The following TECTA variants were observed in gnomAD, a reference collection of about 807,000 sequenced individuals.
The protein encoded by TECTA is alpha-tectorin.
In TECTA, 128 loss-of-function variants were observed where a neutral mutation model predicts 216.8. The ratio of observed to expected loss-of-function variants is 0.59; its 90% CI spans 0.51 to 0.68. The LOEUF is 0.68. Among genes scored for constraint, TECTA ranks in the 30% least tolerant of loss-of-function variants. The pLI, the probability that TECTA is intolerant of heterozygous loss-of-function variation, is 0.00. For synonymous variants in TECTA, 1,089 were observed against 1,117.1 expected (o/e 0.97, Z 0.50); for missense variants, 2,551 against 2,786.2 (o/e 0.92, Z 1.90).
Position 121,113,075 on chromosome 11 carries a change from A to T in TECTA, c.490A>T (p.Asn164Tyr). The stretch of plus-strand genomic sequence containing the variant: ...ACTGCGCATTCCCATCCTGTAGGTG[A>T]ACACCTTCCAGGCCGTCCTAGTGTC... ...FYGGSSTTPV[N>Y]TFQAVLVSDG... Residue 164 changes from asparagine to tyrosine, a missense_variant, in exon 5 of 24, where the codon AAC becomes TAC. Physicochemically the swap from Asn to Tyr is moderately radical, Grantham distance 143 (BLOSUM62 -2). Transcript: ENST00000392793. This position sits in a 1 kb window ranked among gnomAD's most constrained non-coding sequence, Gnocchi z 4.2. The T allele has an allele frequency of 6.2e-7, 1 of 1,614,088 alleles. No homozygotes were observed. Among genetic ancestry groups the T allele is most frequent in the Non-Finnish European group, 8.5e-7 (1 of 1,180,008 alleles).
chr11:121,158,004 C>CCGG lies in TECTA; in HGVS notation c.4478_4480dup (p.Gly1493dup), dbSNP rs1350203801. On this transcript the variant is annotated inframe_insertion, in exon 14 of 24. Coordinates refer to ENST00000392793, the MANE Select transcript of TECTA (RefSeq NM_005422.4). The stretch of plus-strand genomic sequence containing the variant: ...ACCAAGACCTCCTACTGCCTGGCGG[C>CCGG]CGGCGGCGGCGTCTTCCGCACCTTC... 8 of 1,612,754 alleles carry CCGG rather than the reference C, an allele frequency of 5.0e-6. No individual in the cohort carries two copies. In the Admixed American group the frequency reaches 1.2e-4, roughly 24 times the overall value.
At position 121,172,959 on chromosome 11, in the gene TECTA, A is replaced by T. The variant is rs533709437; in HGVS notation, c.5999+4034A>T. ...GGCCAGTGATGGTGAGCATTTTTTC[A>T]TGTGTTTTTTGGCTGCATAAATGTC... On this transcript the variant is annotated intron_variant, in intron 20 of 23. Transcript: ENST00000392793. 2.3e-4 allele frequency among the ~76,000 whole-genome samples: 34 copies of T among 149,082 alleles called. No individual in the cohort carries two copies. The East Asian group carries it at 5.9e-3, about 26-fold the overall frequency.
intron 12 of TECTA, among the ~76,000 whole-genome samples, chr11:121,148,836 C>T (rs1946864215): frequency 6.6e-6 from 1 of 152,146 alleles, no homozygotes; most frequent in Admixed American, 6.5e-5. Context: ...ATCTTGTAAC[C>T]TAAGTTGAAC....
At chr11:121,153,527 G>A (rs1364096440) in intron 13 of TECTA, among the ~76,000 whole-genome samples, 2 of 152,176 alleles carry the variant, frequency 1.3e-5, no homozygotes, top group Non-Finnish European at 2.9e-5. Context: ...AGGCTGAGTG[G>A]GGCGGACTTC....
intron 16 of TECTA, among the ~76,000 whole-genome samples, chr11:121,164,032 AT>A (rs1947027103): frequency 6.6e-6 from 1 of 152,226 alleles, no homozygotes; most frequent in Non-Finnish European, 1.5e-5. Flanking sequence ...ATGTTGAGCC[AT>A]CCATGCACTC....
chr11:121,145,444 C>T lies in TECTA; in HGVS notation c.3544-111C>T. The T allele has an allele frequency of 2.7e-6, 3 of 1,128,094 alleles. No homozygotes were observed. In the South Asian group the frequency reaches 3.8e-5, roughly 14 times the overall value. 69.9% of individuals were successfully genotyped at this position (1,128,094 alleles called of 1,614,324 possible). A position where few individuals can be genotyped will look rare whatever the true frequency, so the allele number is the denominator to read the frequency against. The stretch of plus-strand genomic sequence containing the variant: ...CAGTACATGCAAAGACTGCATTCAA[C>T]CTGCTCAAACTTCCCTCTGGGACTT... On this transcript the variant is annotated intron_variant, in intron 11 of 23. Coordinates refer to ENST00000392793, the MANE Select transcript of TECTA (RefSeq NM_005422.4).
chr11:121,176,627 T>C, intron 20 of TECTA, among the ~76,000 whole-genome samples: 2 of 145,946 alleles, frequency 1.4e-5, no homozygotes, highest in African/African-American at 5.3e-5. Context: ...TCATTTCAAC[T>C]TTGGTGAATC....
rs755607789 is a variant in TECTA, at chr11:121,190,783, T to C, written c.6445T>C (p.Tyr2149His). 2 of 1,613,372 alleles carry C rather than the reference T, an allele frequency of 1.2e-6. No individual in the cohort carries two copies. Among genetic ancestry groups the C allele is most frequent in the Non-Finnish European group, 1.7e-6 (2 of 1,179,676 alleles). Residue 2149 changes from tyrosine to histidine, a missense_variant, in exon 24 of 24, where the codon TAT (tyrosine) becomes CAT (histidine). This residue lies in a region of TECTA where 118 missense variants were observed against 116.4 expected (regional missense o/e 1.01). Transcript: ENST00000392793. ...CCAGATTTCATTATGGCATTTTGTCTATAAATCAGGCACGACCTCATAATT... is the reference window on the plus strand; with the variant it reads ...CCAGATTTCATTATGGCATTTTGTCCATAAATCAGGCACGACCTCATAATT... ...MIQISLWHFV[Y>H]KSGTTS is the part of the protein sequence containing the mutation.
At chr11:121,189,297 T>A (rs1947317987) in intron 22 of TECTA, 130 bp downstream of exon 22, 7 of 823,006 alleles carry the variant, frequency 8.5e-6, no homozygotes, top group African/African-American at 1.7e-5. Flanking sequence ...TTTGAGAACA[T>A]CACCTGCTTC....
chr11:121,148,377 T>C (rs1419789709), intron 12 of TECTA, among the ~76,000 whole-genome samples: 1 of 151,616 alleles, frequency 6.6e-6, no homozygotes, highest in East Asian at 1.9e-4. Flanking sequence ...TGGTAATGAA[T>C]GGCAAAAAGG....
At chr11:121,188,096 C>A in intron 21 of TECTA, 102 bp downstream of exon 21, 2 of 1,289,500 alleles carry the variant, frequency 1.6e-6, no homozygotes, top group Non-Finnish European at 2.2e-6. Context: ...TGGAATCATC[C>A]ATAGATGCTT....
chr11:121,175,094 T>A (rs1362606956), intron 20 of TECTA, among the ~76,000 whole-genome samples: 1 of 152,184 alleles, frequency 6.6e-6, no homozygotes. Flanking sequence ...TCTTCTTTAT[T>A]AATCTTGCTA....
Position 121,125,746 on chromosome 11 carries a change from T to A in TECTA, c.1648T>A (p.Cys550Ser). ...VVDPTAFVHS[C>S]VYDLCSVRDN... is the part of the protein sequence containing the mutation. ...GGACCCCACTGCTTTTGTGCACAGC[T>A]GCGTGTATGACCTGTGCAGTGTGAG... is the stretch of plus-strand genomic sequence containing the variant. Residue 550 changes from cysteine (C) to serine (S), a missense_variant, in exon 8 of 24, where the codon TGC (cysteine) becomes AGC (serine). By Grantham distance (112) the Cys-to-Ser change is moderately radical. Transcript: ENST00000392793. The A allele has an allele frequency of 1.9e-6, 3 of 1,614,080 alleles. No homozygotes were observed. The highest frequency in any genetic ancestry group is 2.5e-6 in the Non-Finnish European group (3 of 1,179,928).
chr11:121,177,255 T>A (rs1242305692), intron 20 of TECTA, among the ~76,000 whole-genome samples: 204 of 143,696 alleles, frequency 1.4e-3, no homozygotes, highest in South Asian at 3.6e-3. Flanking sequence ...GGCGCTCTGC[T>A]TTTTAGAGTT....
Position 121,145,806 on chromosome 11 carries a change from G to C in TECTA, c.3795G>C (p.Glu1265Asp). ...PMGLLASSVNEFGQSWVKRDT... is the reference protein window; with the variant it reads ...PMGLLASSVNDFGQSWVKRDT... ...GTCTGCTTGCATCGAGTGTCAATGAGTTTGGGCAGAGCTGGGTGAAGAGGG... is the reference window on the plus strand; with the variant it reads ...GTCTGCTTGCATCGAGTGTCAATGACTTTGGGCAGAGCTGGGTGAAGAGGG... The change falls in exon 12 of 24, where the codon GAG becomes GAC. Residue 1265 changes from glutamate (E) to aspartate (D), a missense_variant. Physicochemically the swap from Glu to Asp is conservative, Grantham distance 45 (BLOSUM62 2). This residue lies in a region of TECTA where 2,375 missense variants were observed against 2,563.9 expected (regional missense o/e 0.93). Transcript: ENST00000392793. The C allele has an allele frequency of 6.2e-7, 1 of 1,614,246 alleles. No homozygotes were observed. Among genetic ancestry groups the C allele is most frequent in the Non-Finnish European group, 8.5e-7 (1 of 1,180,052 alleles).
Position 121,113,348 on chromosome 11 carries a change from C to A in TECTA, c.624+139C>A. The A allele has an allele frequency of 6.7e-7, 1 of 1,493,428 alleles. No homozygotes were observed. Among genetic ancestry groups the A allele is most frequent in the Non-Finnish European group, 9.2e-7 (1 of 1,085,142 alleles). 92.5% of individuals were successfully genotyped at this position (1,493,428 alleles called of 1,614,324 possible). A position where few individuals can be genotyped will look rare whatever the true frequency, so the allele number is the denominator to read the frequency against. On this transcript the variant is annotated intron_variant, in intron 5 of 23. Coordinates refer to ENST00000392793, the MANE Select transcript of TECTA (RefSeq NM_005422.4). This position sits in a 1 kb window ranked among gnomAD's most constrained non-coding sequence, Gnocchi z 4.2. Reference sequence around the variant, plus strand: ...CTGATCTCGCAGGTGGACTACGAGGCTAGTCCTGCCCATGTTTGGCACCCT... The same window carrying A: ...CTGATCTCGCAGGTGGACTACGAGGATAGTCCTGCCCATGTTTGGCACCCT...
chr11:121,172,974 G>A (rs1947127689), intron 20 of TECTA, among the ~76,000 whole-genome samples: 1 of 149,938 alleles, frequency 6.7e-6, no homozygotes, highest in Non-Finnish European at 1.5e-5. Flanking sequence ...TTTTTTGGCT[G>A]CATAAATGTC....
intron 13 of TECTA, among the ~76,000 whole-genome samples, chr11:121,156,315 C>T (rs983107104): frequency 3.3e-5 from 5 of 152,076 alleles, no homozygotes; most frequent in South Asian, 4.1e-4. Flanking sequence ...GCTGGGACTA[C>T]AGGCATGCAC....
intron 12 of TECTA, among the ~76,000 whole-genome samples, chr11:121,148,066 A>G (rs1591454228): frequency 6.6e-6 from 1 of 151,998 alleles, no homozygotes; most frequent in African/African-American, 2.4e-5. Flanking sequence ...TCTACCAGGA[A>G]CCCTTTCCTC....
Sources: allele counts gnomAD v4.1 joint callset (sites outside exome capture counted in the v4.1 genomes callset), GRCh38; gene constraint gnomAD v4.1.1; regional missense constraint gnomAD v4.1.1; non-coding constraint Gnocchi (gnomAD v3.1); transcripts MANE v1.5; gene names NCBI Gene and HGNC (gene_info 2026-07-23, HGNC 2026-07-21).